Variants in MALRD1 observed in about 807,000 individuals in gnomAD.
The protein encoded by MALRD1 is MAM and LDL-receptor class A domain-containing protein 1.
MALRD1 carries 247 observed loss-of-function variants against 242.1 expected under a neutral mutation model. That is an observed-to-expected ratio of 1.02 (90% CI 0.92 to 1.13). The LOEUF (loss-of-function observed/expected upper bound fraction) is 1.13, where lower values mean the gene tolerates loss of function less well. Ranked by LOEUF, MALRD1 falls within the 50% of genes most tolerant of loss-of-function variation. The probability of loss-of-function intolerance (pLI) is 0.00; values close to 1 mark genes in which losing one functional copy is unlikely to be tolerated. For synonymous variants in MALRD1, 995 were observed against 866.6 expected (o/e 1.15, Z -2.60); for missense variants, 2,989 against 2,533.1 (o/e 1.18, Z -3.86).
intron 34 of MALRD1, among the ~76,000 whole-genome samples, chr10:19,599,429 C>CT (rs1409190251): frequency 6.6e-6 from 1 of 151,898 alleles, no homozygotes; most frequent in African/African-American, 2.4e-5. Flanking sequence ...AACATATCCC[C>CT]TTTTCGTAAA....
At chr10:19,192,375 G>A (rs189108878) in intron 14 of MALRD1, among the ~76,000 whole-genome samples, 26 of 152,268 alleles carry the variant, frequency 1.7e-4, no homozygotes, top group Admixed American at 1.0e-3. Flanking sequence ...TAAAGAAAAA[G>A]TAGGGGGAAA....
Position 19,203,880 on chromosome 10 carries a change from G to A in MALRD1, c.2104G>A (p.Gly702Arg), listed in dbSNP as rs1836662070. Reference sequence around the variant, plus strand: ...GGATCATAGTCTCAACGCATCTCAAGGTAAGAAGCAAACAGGGACTCTACA... The same window carrying A: ...GGATCATAGTCTCAACGCATCTCAAAGTAAGAAGCAAACAGGGACTCTACA... ...PRDHSLNASQ[G>R]HFMFILKKSS... is the part of the protein sequence containing the mutation. Residue 702 changes from glycine to arginine, a missense_variant and splice_region_variant, in exon 15 of 40, where the codon GGG becomes AGG. Coordinates refer to ENST00000454679, the MANE Select transcript of MALRD1 (RefSeq NM_001142308.3). 4.5e-6 allele frequency: 7 copies of A among 1,550,312 alleles called. No homozygotes were observed. In the South Asian group the frequency reaches 7.1e-5, roughly 16 times the overall value.
At chr10:19,457,909 T>G (rs1359171678) in intron 29 of MALRD1, among the ~76,000 whole-genome samples, 1 of 151,978 alleles carries the variant, frequency 6.6e-6, no homozygotes, top group African/African-American at 2.4e-5. Context: ...TGTTACAGGC[T>G]TGTTTTATTT....
chr10:19,462,771 T>G (rs1589118156), intron 29 of MALRD1, among the ~76,000 whole-genome samples: 3 of 152,308 alleles, frequency 2.0e-5, no homozygotes, highest in African/African-American at 7.2e-5. Flanking sequence ...AGTAATGAAC[T>G]GCACTAGAGC....
At chr10:19,660,989 C>G (rs1012894774) in intron 36 of MALRD1, among the ~76,000 whole-genome samples, 1 of 152,288 alleles carries the variant, frequency 6.6e-6, no homozygotes, top group South Asian at 2.1e-4. Context: ...TGAACAGACA[C>G]TTCTTGAAAG....
chr10:19,083,438 G>A (rs1308294075), intron 2 of MALRD1, among the ~76,000 whole-genome samples: 3 of 151,928 alleles, frequency 2.0e-5, no homozygotes, highest in East Asian at 1.9e-4. Flanking sequence ...ACTCCCTATC[G>A]ATGTCTCATT....
intron 38 of MALRD1, among the ~76,000 whole-genome samples, chr10:19,698,513 G>C (rs1003134764): frequency 5.3e-5 from 8 of 152,200 alleles, no homozygotes; most frequent in African/African-American, 1.9e-4. Flanking sequence ...AGGAGGATGA[G>C]AGTTTTTGAA....
At chr10:19,683,815 G>A (rs1306543751) in intron 36 of MALRD1, among the ~76,000 whole-genome samples, 1 of 152,012 alleles carries the variant, frequency 6.6e-6, no homozygotes, top group Non-Finnish European at 1.5e-5. Flanking sequence ...GAACGTGCAG[G>A]ATTGCTACAT....
rs565522353 is a variant in MALRD1 at position 19,653,010 on chromosome 10, C to A, written c.6137+37087C>A. On this transcript the variant is annotated intron_variant, in intron 36 of 39. Transcript: ENST00000454679. ...ATATCAGTATGTCTAAGATTGAATT[C>A]AACATCATCTTGCAAAACCTTCTAA... Among the ~76,000 whole-genome samples the A allele has an allele frequency of 1.4e-4, 21 of 152,106 alleles. 1 individual carries two copies. Among genetic ancestry groups the A allele is most frequent in the Non-Finnish European group, 2.9e-5 (2 of 68,030 alleles).
intron 33 of MALRD1, among the ~76,000 whole-genome samples, chr10:19,570,198 CAG>C (rs1836457117): frequency 6.6e-6 from 1 of 151,996 alleles, no homozygotes; most frequent in Admixed American, 6.6e-5. Context: ...CTCCAAAATC[CAG>C]AGTCTTAAGG....
rs535551358 is a variant in MALRD1, at chr10:19,714,602, C to T, written c.6315-16104C>T. Among the ~76,000 whole-genome samples, 5 of 152,240 alleles carry T rather than the reference C, an allele frequency of 3.3e-5. No homozygotes were observed. The South Asian group carries it at 1.0e-3, about 32-fold the overall frequency. ...CGTGGGCACAGTCCTGGGGGTAGAG[C>T]CCTCACCAGGGACCTGCCTTTTCTA... On this transcript the variant is annotated intron_variant, in intron 38 of 39. Coordinates refer to ENST00000454679, the MANE Select transcript of MALRD1 (RefSeq NM_001142308.3).
Position 19,442,230 on chromosome 10 carries a change from G to T in MALRD1, c.4846-8077G>T, listed in dbSNP as rs960112844. Among the ~76,000 whole-genome samples, 9 of 152,060 alleles carry T rather than the reference G, an allele frequency of 5.9e-5. No individual in the cohort carries two copies. The East Asian group carries it at 1.2e-3, about 20-fold the overall frequency. On this transcript the variant is annotated intron_variant, in intron 28 of 39. Coordinates refer to ENST00000454679, the MANE Select transcript of MALRD1 (RefSeq NM_001142308.3). ...GTTGCTTATCAGCTTAAGGAGATTT[G>T]GGGCTGAGACGATGGGGTTTTCTAA...
intron 18 of MALRD1, among the ~76,000 whole-genome samples, chr10:19,229,082 T>G (rs1445770282): frequency 6.6e-6 from 1 of 152,056 alleles, no homozygotes; most frequent in African/African-American, 2.4e-5. Context: ...TAATTTTGTA[T>G]TGTGTTTGAA....
chr10:19,235,660 A>G (rs1041085740), intron 18 of MALRD1, among the ~76,000 whole-genome samples: 5 of 150,796 alleles, frequency 3.3e-5, no homozygotes, highest in African/African-American at 1.2e-4. Context: ...AACTGGGAAC[A>G]CTTTCTAGTA....
chr10:19,243,267 A>G (rs74118893), intron 18 of MALRD1, among the ~76,000 whole-genome samples: 1,621 of 151,620 alleles, frequency 0.011, 35 homozygotes, highest in African/African-American at 0.036. Flanking sequence ...TGAATGGTAG[A>G]CTCCATGGAA....
intron 36 of MALRD1, among the ~76,000 whole-genome samples, chr10:19,650,456 T>C (rs989970526): frequency 5.3e-5 from 8 of 152,116 alleles, no homozygotes; most frequent in Non-Finnish European, 1.0e-4. Flanking sequence ...AATTAAGAAA[T>C]AAATGTAGAA....
chr10:19,498,821 C>G (rs1425024291), intron 31 of MALRD1, among the ~76,000 whole-genome samples, 175 bp downstream of exon 31: 1 of 151,996 alleles, frequency 6.6e-6, no homozygotes, highest in African/African-American at 2.4e-5. Flanking sequence ...CTAAATAGAC[C>G]CAGAGCTGAC....
intron 26 of MALRD1, among the ~76,000 whole-genome samples, chr10:19,371,202 T>C (rs1314760254): frequency 6.6e-6 from 1 of 151,858 alleles, no homozygotes; most frequent in African/African-American, 2.4e-5. Flanking sequence ...GGAGCTATGA[T>C]GGCCCTACTG....
chr10:19,631,298 T>C (rs1839889538), intron 36 of MALRD1, among the ~76,000 whole-genome samples: 1 of 152,192 alleles, frequency 6.6e-6, no homozygotes, highest in Non-Finnish European at 1.5e-5. Context: ...TCCAGCTCCA[T>C]CCATGTTCTT....
Sources: allele counts gnomAD v4.1 joint callset (sites outside exome capture counted in the v4.1 genomes callset), GRCh38; gene constraint gnomAD v4.1.1; transcripts MANE v1.5; gene names NCBI Gene and HGNC (gene_info 2026-07-23, HGNC 2026-07-21).